The following HMGN1 variants were observed in gnomAD, a reference collection of about 807,000 sequenced individuals.
HMGN1 encodes the protein non-histone chromosomal protein HMG-14.
Under a neutral mutation model 18.4 loss-of-function variants are expected in HMGN1, and 9 were observed. That is an observed-to-expected ratio of 0.49 (90% CI 0.29 to 0.85). The LOEUF (loss-of-function observed/expected upper bound fraction) is 0.85, where lower values mean the gene tolerates loss of function less well. HMGN1 is among the 40% of genes least tolerant of loss of function. HMGN1 has a pLI of 0.07. For missense variants in HMGN1, 151 were observed against 119.2 expected (o/e 1.27, Z -1.24); for synonymous variants, 59 against 45.0 (o/e 1.31, Z -1.24).
chr21:39,348,620 C>CA, intron 1 of HMGN1, 43 bp from the exon 2 acceptor site: 1 of 1,539,032 alleles, frequency 6.5e-7, no homozygotes, highest in Non-Finnish European at 8.7e-7. Flanking sequence ...GCCGCAGTCC[C>CA]AGGACTCGCG....
At chr21:39,344,457 G>C (rs534188225) in intron 5 of HMGN1, 205 of 152,074 alleles carry the variant, frequency 1.3e-3, no homozygotes, top group African/African-American at 4.3e-3. Flanking sequence ...TTCTAGCTTA[G>C]CTAATATAAC....
chr21:39,345,788 C>G (rs1034517080), intron 4 of HMGN1: 1 of 1,289,386 alleles, frequency 7.8e-7, no homozygotes, highest in Non-Finnish European at 1.0e-6. Flanking sequence ...TTCAACAATA[C>G]TGTCCTCACA....
At chr21:39,346,171 C>A (rs1194374764) in intron 4 of HMGN1, 1 of 353,724 alleles carries the variant, frequency 2.8e-6, no homozygotes, top group East Asian at 7.5e-5. Context: ...CGGATACTGA[C>A]CAATTACTTG....
At chr21:39,344,055 A>C (rs1333311667) in intron 5 of HMGN1, among the ~76,000 whole-genome samples, 1 of 151,918 alleles carries the variant, frequency 6.6e-6, no homozygotes, top group Admixed American at 6.6e-5. Context: ...AGGAGTTTGA[A>C]ACCAGCCTGG....
intron 4 of HMGN1, chr21:39,347,306 C>A: frequency 3.1e-6 from 3 of 967,106 alleles, no homozygotes; most frequent in South Asian, 2.1e-5. Flanking sequence ...TTAAAGAAAA[C>A]ATAGTTAACA....
Position 39,348,566 on chromosome 21 carries a change from G to A in HMGN1, c.27C>T (p.Ala9=), listed in dbSNP as rs764498677. 8 of 1,610,376 alleles carry A rather than the reference G, an allele frequency of 5.0e-6. No individual in the cohort carries two copies. The African/African-American group carries it at 5.3e-5, about 11-fold the overall frequency. MPKRKVSS[A]EGAAKEEPKR... is the part of the protein sequence containing the mutation. The stretch of plus-strand genomic sequence containing the variant: ...TCACCTCTTCCTTGGCGGCGCCTTC[G>A]GCGGAGCTGACCTGCGGAGACGGAG... The change falls in exon 2 of 6, where the codon GCC becomes GCT. Residue 9 remains alanine (A), a synonymous_variant. Coordinates refer to ENST00000380749, the MANE Select transcript of HMGN1 (RefSeq NM_004965.7).
chr21:39,346,314 C>T (rs2037052199), intron 4 of HMGN1: 1 of 209,278 alleles, frequency 4.8e-6, no homozygotes, highest in Non-Finnish European at 9.9e-6. Flanking sequence ...AATACTTCAA[C>T]ATCCTTTGAG....
chr21:39,348,013 TACGCA>T (rs2037119753), intron 4 of HMGN1: 1 of 1,180,288 alleles, frequency 8.5e-7, no homozygotes, highest in Non-Finnish European at 1.1e-6. Context: ...AGCCACAATG[TACGCA>T]ACGCAAAGAA....
At chr21:39,347,688 T>C (rs2037104891) in intron 4 of HMGN1, 1 of 305,936 alleles carries the variant, frequency 3.3e-6, no homozygotes, top group South Asian at 2.6e-5. Flanking sequence ...CAAACACACG[T>C]ACACCCAAAG....
chr21:39,348,674 C>A, intron 1 of HMGN1, 97 bp from the exon 2 acceptor site: 1 of 1,400,050 alleles, frequency 7.1e-7, no homozygotes, highest in South Asian at 1.4e-5. Flanking sequence ...CGTGACGTCA[C>A]GGCTTCCCGC....
intron 1 of HMGN1, 87 bp from the exon 2 acceptor site, chr21:39,348,664 C>T (rs2146861474): frequency 4.2e-6 from 6 of 1,434,016 alleles, no homozygotes; most frequent in African/African-American, 1.5e-5. Flanking sequence ...TGCCCGGCCG[C>T]GTGACGTCAC....
intron 4 of HMGN1, chr21:39,345,847 G>GC (rs2037033409): frequency 7.7e-7 from 1 of 1,302,122 alleles, no homozygotes; most frequent in African/African-American, 1.5e-5. Context: ...AAAGCACCAT[G>GC]CCGTACGGTC....
In HMGN1 at chr21:39,347,917, C is replaced by T. The variant is rs115234795; in HGVS notation, c.126+375G>A. ...GAAACTGTATATATAAAAACTTACACGTTCCCTTTCTCCTGGCCTCGGTGC... is the reference window on the plus strand; with the variant it reads ...GAAACTGTATATATAAAAACTTACATGTTCCCTTTCTCCTGGCCTCGGTGC... On this transcript the variant is annotated intron_variant, in intron 4 of 5. Coordinates refer to ENST00000380749, the MANE Select transcript of HMGN1 (RefSeq NM_004965.7). 303 of 1,010,700 alleles carry T rather than the reference C, an allele frequency of 3.0e-4. 1 individual carries two copies. In the African/African-American group the frequency reaches 5.0e-3, roughly 17 times the overall value. The allele number at this position is 1,010,700 out of a possible 1,614,324, so 62.6% of individuals were successfully genotyped here.
chr21:39,348,241 G>C, intron 4 of HMGN1, 51 bp downstream of exon 4: 1 of 1,596,390 alleles, frequency 6.3e-7, no homozygotes, highest in East Asian at 2.2e-5. Flanking sequence ...GCATTAAGAA[G>C]CAGTGTAGCC....
In HMGN1 at chr21:39,348,581, C is replaced by T. The variant is rs747055042; in HGVS notation, c.16-4G>A. The T allele has an allele frequency of 1.3e-6, 2 of 1,580,708 alleles. No individual in the cohort carries two copies. Among genetic ancestry groups the T allele is most frequent in the African/African-American group, 1.4e-5 (1 of 73,794 alleles). On this transcript the variant is annotated splice_region_variant and splice_polypyrimidine_tract_variant and intron_variant, in intron 1 of 5. Coordinates refer to ENST00000380749, the MANE Select transcript of HMGN1 (RefSeq NM_004965.7). ...CGGCGCCTTCGGCGGAGCTGACCTG[C>T]GGAGACGGAGACGCACGAATAGAGG...
intron 4 of HMGN1, chr21:39,347,955 T>C: frequency 8.5e-7 from 1 of 1,176,694 alleles, no homozygotes; most frequent in South Asian, 2.2e-5. Flanking sequence ...TCTTGACTCT[T>C]TTATTGTCAA....
intron 4 of HMGN1, 163 bp downstream of exon 4, chr21:39,348,129 G>T: frequency 1.1e-6 from 1 of 949,236 alleles, no homozygotes; most frequent in Non-Finnish European, 1.6e-6. Flanking sequence ...AAACCAGGAT[G>T]AATATATCCA....
chr21:39,348,521 C>G (rs779087890), intron 2 of HMGN1, 24 bp downstream of exon 2: 3 of 1,613,472 alleles, frequency 1.9e-6, no homozygotes, highest in South Asian at 2.2e-5. Flanking sequence ...AACCCACCAC[C>G]CCCCGCAGAA....
At chr21:39,347,653 T>C in intron 4 of HMGN1, 2 of 325,828 alleles carry the variant, frequency 6.1e-6, no homozygotes, top group Non-Finnish European at 1.2e-5. Flanking sequence ...TTACACATGT[T>C]CTGCTTTTCC....
Sources: allele counts gnomAD v4.1 joint callset (sites outside exome capture counted in the v4.1 genomes callset), GRCh38; gene constraint gnomAD v4.1.1; transcripts MANE v1.5; gene names NCBI Gene and HGNC (gene_info 2026-07-23, HGNC 2026-07-21).